Variants in PALB2 observed in about 807,000 individuals in gnomAD.
The protein encoded by PALB2 is mutant partner and localizer of BRCA2.
In PALB2, 82 loss-of-function variants were observed where a neutral mutation model predicts 107.4. The observed-to-expected ratio is 0.76, with a 90% CI of 0.64 to 0.92. PALB2 has a LOEUF of 0.92. Ranked by LOEUF, PALB2 falls within the 40% of genes least tolerant of loss-of-function variation. The probability of loss-of-function intolerance (pLI) is 0.00; values close to 1 mark genes in which losing one functional copy is unlikely to be tolerated. For synonymous variants in PALB2, 489 were observed against 496.8 expected (o/e 0.98, Z 0.21); for missense variants, 1,374 against 1,379.9 (o/e 1.00, Z 0.07).
chr16:23,616,946 G>T (rs1966694504), intron 10 of PALB2, among the ~76,000 whole-genome samples: 1 of 151,890 alleles, frequency 6.6e-6, no homozygotes, highest in Non-Finnish European at 1.5e-5. Context: ...CCGAGTAGCT[G>T]GGACTACAGG....
intron 10 of PALB2, among the ~76,000 whole-genome samples, chr16:23,616,274 A>T (rs1966683122): frequency 6.6e-6 from 1 of 152,116 alleles, no homozygotes; most frequent in Non-Finnish European, 1.5e-5. Context: ...TTTTGTCCAT[A>T]TACCTCATTT....
chr16:23,634,363 A>G (rs924883885), intron 4 of PALB2, among the ~76,000 whole-genome samples: 3 of 152,348 alleles, frequency 2.0e-5, no homozygotes, highest in South Asian at 2.1e-4. Context: ...AGAAAGTGCC[A>G]GGCAAGCTGG....
intron 7 of PALB2, 123 bp downstream of exon 7, chr16:23,626,113 G>A: frequency 1.8e-6 from 2 of 1,142,564 alleles, no homozygotes; most frequent in Non-Finnish European, 2.6e-6. Context: ...TAAAATGTTG[G>A]GAAAAAAACC....
intron 4 of PALB2, among the ~76,000 whole-genome samples, chr16:23,631,109 C>CAAAAAAA (rs58841030): frequency 1.7e-5 from 1 of 58,466 alleles, no homozygotes; most frequent in Non-Finnish European, 3.6e-5. Context: ...ACTAAAAATA[C>CAAAAAAA]AAAAAAAAAA....
chr16:23,613,000 A>T (rs886397645), intron 11 of PALB2, among the ~76,000 whole-genome samples: 1 of 149,496 alleles, frequency 6.7e-6, no homozygotes, highest in African/African-American at 2.4e-5. Flanking sequence ...TGTTCCACCC[A>T]CTTTGGCCTC....
intron 7 of PALB2, among the ~76,000 whole-genome samples, 177 bp downstream of exon 7, chr16:23,626,059 G>A (rs561439376): frequency 1.3e-5 from 2 of 152,210 alleles, no homozygotes; most frequent in Admixed American, 1.3e-4. Flanking sequence ...GGGTATATGG[G>A]TGCTCACTAT....
At chr16:23,640,778 T>G (rs1967210926) in intron 1 of PALB2, 1 of 328,314 alleles carries the variant, frequency 3.0e-6, no homozygotes, top group African/African-American at 2.1e-5. Flanking sequence ...AGTACCAGAC[T>G]TAAAAGATTT....
intron 10 of PALB2, among the ~76,000 whole-genome samples, chr16:23,620,741 ATGT>A (rs1966757683): frequency 6.6e-6 from 1 of 152,156 alleles, no homozygotes; most frequent in Non-Finnish European, 1.5e-5. Flanking sequence ...AATTAATATG[ATGT>A]TGTTGGTAAG....
chr16:23,637,787 A>G (rs1158460942), intron 3 of PALB2, 63 bp downstream of exon 3: 1 of 1,302,044 alleles, frequency 7.7e-7, no homozygotes, highest in African/African-American at 1.5e-5. Flanking sequence ...AAAAAGAACA[A>G]TAGCCAAAAT....
chr16:23,626,850 A>C (rs1030983523), intron 6 of PALB2, among the ~76,000 whole-genome samples: 3 of 151,910 alleles, frequency 2.0e-5, no homozygotes, highest in African/African-American at 7.3e-5. Context: ...TGAACTCCTG[A>C]CCTCAAGTGA....
At chr16:23,636,947 A>C (rs1967077380) in intron 3 of PALB2, among the ~76,000 whole-genome samples, 1 of 152,162 alleles carries the variant, frequency 6.6e-6, no homozygotes, top group Non-Finnish European at 1.5e-5. Context: ...ATATATACTT[A>C]CATTTTTAAA....
chr16:23,635,738 T>C lies in PALB2; in HGVS notation c.808A>G (p.Ser270Gly), dbSNP rs1347076714. ...QHLEHIPPKG[S>G]SELTTHDLKN... ...AGGTCGTGAGTAGTAAGTTCACTGC[T>C]ACCTTTAGGAGGAATGTGTTCAAGG... The change falls in exon 4 of 13, where the codon AGC becomes GGC. Residue 270 changes from serine (S) to glycine (G), a missense_variant. By Grantham distance (56) the Ser-to-Gly change is moderately conservative (BLOSUM62 0). Transcript: ENST00000261584. 3.7e-6 allele frequency: 6 copies of C among 1,614,076 alleles called. No homozygotes were observed. Among genetic ancestry groups the C allele is most frequent in the Admixed American group, 3.3e-5 (2 of 59,998 alleles).
intron 10 of PALB2, among the ~76,000 whole-genome samples, chr16:23,619,130 T>G (rs1439110237): frequency 6.6e-6 from 1 of 152,178 alleles, no homozygotes; most frequent in Non-Finnish European, 1.5e-5. Context: ...TATAACTTCC[T>G]CTTACCAAGA....
At chr16:23,638,216 G>C (rs1967115782) in intron 1 of PALB2, 87 bp from the exon 2 acceptor site, 4 of 1,031,134 alleles carry the variant, frequency 3.9e-6, no homozygotes, top group Middle Eastern at 2.0e-4. Flanking sequence ...GGGTCCCTTG[G>C]CAAGAGGCAG....
chr16:23,622,175 G>A (rs780813689), intron 9 of PALB2, among the ~76,000 whole-genome samples: 4 of 152,132 alleles, frequency 2.6e-5, no homozygotes, highest in Non-Finnish European at 5.9e-5. Context: ...AGAAGATGCT[G>A]TAAGTTCAGT....
Position 23,608,008 on chromosome 16 carries a change from A to C in PALB2, c.3206T>G (p.Leu1069Arg). The change falls in exon 12 of 13, where the codon CTT becomes CGT. Residue 1069 changes from leucine to arginine, a missense_variant. By Grantham distance (102) the Leu-to-Arg change is moderately radical. Coordinates refer to ENST00000261584, the MANE Select transcript of PALB2 (RefSeq NM_024675.4). ...VCHKAYSEMGLLFIVLSHPCA... is the reference protein window; with the variant it reads ...VCHKAYSEMGRLFIVLSHPCA... ...GGGATGACTCAGGACAATAAAGAGA[A>C]GCCCCTAATTTCGGAGAAAAATAAA... The C allele has an allele frequency of 6.2e-7, 1 of 1,613,762 alleles. No homozygotes were observed. Among genetic ancestry groups the C allele is most frequent in the South Asian group, 1.1e-5 (1 of 91,074 alleles).
chr16:23,608,795 T>TACACACACACAC (rs1421547760), intron 11 of PALB2, among the ~76,000 whole-genome samples: 13 of 113,246 alleles, frequency 1.1e-4, no homozygotes, highest in African/African-American at 3.4e-4. Context: ...TATGTGTGTA[T>TACACACACACAC]ATATATACAC....
chr16:23,635,336 A>G lies in PALB2; in HGVS notation c.1210T>C (p.Phe404Leu), dbSNP rs1064793221. Residue 404 changes from phenylalanine to leucine, a missense_variant, in exon 4 of 13, where the codon TTT becomes CTT. Phe to Leu is a conservative substitution (Grantham distance 22). Transcript: ENST00000261584. ...HSCTVPEGLL[F>L]PAEYYVRTTR... is the part of the protein sequence containing the mutation. ...GTTCTAACATAATATTCTGCAGGAA[A>G]CAGAAGGCCTTCAGGCACTGTGCAA... 1.9e-6 allele frequency: 3 copies of G among 1,613,954 alleles called. No individual in the cohort carries two copies. Among genetic ancestry groups the G allele is most frequent in the African/African-American group, 1.3e-5 (1 of 74,924 alleles).
chr16:23,625,926 A>G (rs1347200865), intron 7 of PALB2, among the ~76,000 whole-genome samples: 1 of 152,138 alleles, frequency 6.6e-6, no homozygotes, highest in African/African-American at 2.4e-5. Context: ...AACTGCAGTG[A>G]GCCGTGATCA....
Sources: allele counts gnomAD v4.1 joint callset (sites outside exome capture counted in the v4.1 genomes callset), GRCh38; gene constraint gnomAD v4.1.1; transcripts MANE v1.5; gene names NCBI Gene and HGNC (gene_info 2026-07-23, HGNC 2026-07-21).